Variants in MECOM observed in about 807,000 individuals in gnomAD.
MECOM encodes the protein MDS1 and EVI1 complex locus, also known as histone-lysine N-methyltransferase MECOM.
In MECOM, 13 loss-of-function variants were observed where a neutral mutation model predicts 116.3. The ratio of observed to expected loss-of-function variants is 0.11; its 90% CI spans 0.07 to 0.18. The LOEUF (loss-of-function observed/expected upper bound fraction) is 0.18. Ranked by LOEUF, MECOM falls within the 10% of genes least tolerant of loss-of-function variation. The probability of loss-of-function intolerance (pLI) is 1.00; values close to 1 mark genes in which losing one functional copy is unlikely to be tolerated. For synonymous variants in MECOM, 528 were observed against 535.2 expected, an observed-to-expected ratio of 0.99 and a Z score of 0.19; for missense variants, 1,299 against 1,509.0, an observed-to-expected ratio of 0.86 and a Z score of 2.31.
At chr3:169,092,875 C>G in intron 14 of MECOM, 83 bp downstream of exon 14, 1 of 1,539,836 alleles carries the variant, frequency 6.5e-7, no homozygotes, top group Non-Finnish European at 8.9e-7. Flanking sequence ...ATAGTAGTGC[C>G]ACAAAAGTGA....
At chr3:169,106,674 T>C (rs1414776602) in intron 10 of MECOM, among the ~76,000 whole-genome samples, 1 of 152,120 alleles carries the variant, frequency 6.6e-6, no homozygotes, top group Non-Finnish European at 1.5e-5. Context: ...GTACAATCAT[T>C]GGCCATGTAT....
intron 1 of MECOM, among the ~76,000 whole-genome samples, chr3:169,644,040 C>T (rs144849115): frequency 2.4e-4 from 37 of 152,228 alleles, no homozygotes; most frequent in African/African-American, 8.9e-4. Flanking sequence ...TTATTTCAAG[C>T]CTCAACTGTA....
At chr3:169,480,915 T>A (rs1363228315) in intron 1 of MECOM, among the ~76,000 whole-genome samples, 1 of 152,212 alleles carries the variant, frequency 6.6e-6, no homozygotes, top group Non-Finnish European at 1.5e-5. Flanking sequence ...TTGTTTGTTA[T>A]TTGTTGTTGT....
chr3:169,491,560 G>A (rs1278475896), intron 1 of MECOM, among the ~76,000 whole-genome samples: 2 of 152,106 alleles, frequency 1.3e-5, no homozygotes, highest in Non-Finnish European at 2.9e-5. Context: ...TTATCTTCAT[G>A]AATAACTACA....
chr3:169,345,590 G>C (rs1189710511), intron 2 of MECOM, among the ~76,000 whole-genome samples: 5 of 152,086 alleles, frequency 3.3e-5, no homozygotes, highest in African/African-American at 1.2e-4. Context: ...CAGCACCCCT[G>C]AGAGCCACAA....
chr3:169,329,649 C>G (rs1207784626), intron 2 of MECOM, among the ~76,000 whole-genome samples: 3 of 152,190 alleles, frequency 2.0e-5, no homozygotes, highest in Non-Finnish European at 4.4e-5. Flanking sequence ...ATTTTATAAC[C>G]TACCCTGCCC....
intron 1 of MECOM, among the ~76,000 whole-genome samples, chr3:169,385,616 C>A (rs1303859942): frequency 6.6e-6 from 1 of 152,162 alleles, no homozygotes; most frequent in Admixed American, 6.5e-5. Context: ...GTTTATCACA[C>A]CACATTGAAT....
chr3:169,114,985 G>T (rs9290360), intron 8 of MECOM, among the ~76,000 whole-genome samples: 143,741 of 152,206 alleles, frequency 0.94, 67,974 homozygotes, highest in East Asian at 0.99. Flanking sequence ...CTTGCTGTTA[G>T]ATATCCCCCC....
intron 2 of MECOM, among the ~76,000 whole-genome samples, chr3:169,268,966 A>G (rs1758617805): frequency 6.6e-6 from 1 of 152,204 alleles, no homozygotes; most frequent in Admixed American, 6.5e-5. Flanking sequence ...AAACAGCAGC[A>G]AGTCCAGCCT....
chr3:169,650,345 C>T (rs1774731309), intron 1 of MECOM, among the ~76,000 whole-genome samples: 1 of 152,076 alleles, frequency 6.6e-6, no homozygotes. Flanking sequence ...GCTTTAGGTA[C>T]ATGTACAGGA....
intron 2 of MECOM, among the ~76,000 whole-genome samples, chr3:169,209,369 C>T (rs556471392): frequency 1.4e-4 from 22 of 152,192 alleles, no homozygotes; most frequent in African/African-American, 5.3e-4. Context: ...TCTAATTAAA[C>T]TAAAGAGCTT....
intron 2 of MECOM, among the ~76,000 whole-genome samples, chr3:169,341,084 A>G (rs1724422478): frequency 6.6e-6 from 1 of 152,226 alleles, no homozygotes; most frequent in Admixed American, 6.5e-5. Context: ...ATACTTGTTC[A>G]GGAATTTTAA....
intron 1 of MECOM, among the ~76,000 whole-genome samples, chr3:169,450,940 T>C (rs180870901): frequency 2.6e-5 from 4 of 152,332 alleles, no homozygotes; most frequent in Non-Finnish European, 4.4e-5. Context: ...TCCTATGATA[T>C]AAAATATTTC....
At chr3:169,301,785 G>A (rs901555832) in intron 2 of MECOM, among the ~76,000 whole-genome samples, 9 of 152,182 alleles carry the variant, frequency 5.9e-5, no homozygotes, top group African/African-American at 2.2e-4. Flanking sequence ...ATAATACCAA[G>A]GTGAAACTTA....
chr3:169,194,244 C>T (rs1039407029), intron 2 of MECOM, among the ~76,000 whole-genome samples: 12 of 151,926 alleles, frequency 7.9e-5, no homozygotes, highest in African/African-American at 2.2e-4. Context: ...TGTTCTCACT[C>T]ATAGGTGGGA....
chr3:169,237,914 C>T (rs1754292451), intron 2 of MECOM, among the ~76,000 whole-genome samples: 1 of 152,084 alleles, frequency 6.6e-6, no homozygotes, highest in Admixed American at 6.5e-5. Flanking sequence ...GGTTGGCTCA[C>T]ACCTGTAATC....
intron 2 of MECOM, among the ~76,000 whole-genome samples, chr3:169,168,325 A>G (rs890820948): frequency 7.0e-6 from 1 of 143,150 alleles, no homozygotes; most frequent in African/African-American, 2.5e-5. Flanking sequence ...ATGAGTCACC[A>G]CACTTGGCCT....
At chr3:169,317,893 C>A (rs1367525567) in intron 2 of MECOM, among the ~76,000 whole-genome samples, 1 of 152,126 alleles carries the variant, frequency 6.6e-6, no homozygotes, top group Non-Finnish European at 1.5e-5. Context: ...GCTACAGTAA[C>A]CAAAACAGCA....
chr3:169,415,567 T>A (rs1264618151), intron 1 of MECOM, among the ~76,000 whole-genome samples: 1 of 152,092 alleles, frequency 6.6e-6, no homozygotes, highest in Non-Finnish European at 1.5e-5. Context: ...AATGCCCCAA[T>A]TAAAAGGCAC....
Sources: allele counts gnomAD v4.1 joint callset (sites outside exome capture counted in the v4.1 genomes callset), GRCh38; gene constraint gnomAD v4.1.1; transcripts MANE v1.5; gene names NCBI Gene and HGNC (gene_info 2026-07-23, HGNC 2026-07-21).